CELF1: variants seen among roughly 807,000 people sequenced by gnomAD.
CELF1 encodes the protein CUGBP Elav-like family member 1.
A neutral mutation model predicts 61.8 loss-of-function variants in CELF1; 10 were observed. The ratio of observed to expected loss-of-function variants is 0.16; its 90% confidence interval spans 0.10 to 0.27. The LOEUF is 0.27. Ranked by LOEUF, CELF1 falls within the 10% of genes least tolerant of loss-of-function variation. The probability of loss-of-function intolerance (pLI) is 1.00; values close to 1 mark genes in which losing one functional copy is unlikely to be tolerated. For synonymous variants in CELF1, 236 were observed against 225.1 expected, an observed-to-expected ratio of 1.05 and a Z score of -0.43; for missense variants, 380 against 639.1, an observed-to-expected ratio of 0.59 and a Z score of 4.37.
intron 1 of CELF1, among the ~76,000 whole-genome samples, chr11:47,514,634 T>C (rs1466338430): frequency 6.9e-6 from 1 of 144,996 alleles, no homozygotes; most frequent in Non-Finnish European, 1.5e-5. Context: ...GGCAGGAACA[T>C]CTCTAGCACC....
chr11:47,473,017 T>C, intron 14 of CELF1, 71 bp downstream of exon 14: 1 of 1,528,848 alleles, frequency 6.5e-7, no homozygotes, highest in Non-Finnish European at 8.9e-7. Flanking sequence ...CAGATCTTTC[T>C]GCAGTGAGCT....
At chr11:47,536,865 T>C (rs952124806) in intron 1 of CELF1, among the ~76,000 whole-genome samples, 1 of 152,188 alleles carries the variant, frequency 6.6e-6, no homozygotes, top group Admixed American at 6.5e-5. Context: ...ACATAATGTC[T>C]TTCCATAATT....
At chr11:47,536,639 C>T (rs985388364) in intron 1 of CELF1, among the ~76,000 whole-genome samples, 1 of 152,090 alleles carries the variant, frequency 6.6e-6, no homozygotes, top group African/African-American at 2.4e-5. Context: ...GTGGTGCACA[C>T]CTGTAATCCC....
chr11:47,482,755 G>A lies in CELF1; in HGVS notation c.708C>T (p.Ser236=), dbSNP rs749093088. 27 of 1,613,886 alleles carry A rather than the reference G, an allele frequency of 1.7e-5. No individual in the cohort carries two copies. The highest frequency in any genetic ancestry group is 2.2e-5 in the East Asian group (1 of 44,896). The change falls in exon 9 of 15, where the codon AGC becomes AGT. Residue 236 remains serine (S), a synonymous_variant. Coordinates refer to ENST00000687097, the MANE Select transcript of CELF1 (RefSeq NM_001376376.1). The part of the protein sequence containing the change: ...QQLQQQMQQI[S]AASVWGNLAG... ...CAAGGTTTCCCCACACAGATGCTGC[G>A]CTGATTTGCTGCATCTGCTGCTGGA...
At chr11:47,473,992 C>T (rs983529798) in intron 13 of CELF1, among the ~76,000 whole-genome samples, 8 of 152,010 alleles carry the variant, frequency 5.3e-5, no homozygotes, top group Admixed American at 2.6e-4. Context: ...CTGCAACCTC[C>T]GCCTCCCGGG....
chr11:47,537,492 C>T (rs2096659645), intron 1 of CELF1, among the ~76,000 whole-genome samples: 1 of 151,898 alleles, frequency 6.6e-6, no homozygotes, highest in Non-Finnish European at 1.5e-5. Context: ...CGTGATCCAC[C>T]CGACTCAGTC....
chr11:47,493,365 G>A (rs1030878363), intron 3 of CELF1, among the ~76,000 whole-genome samples: 4 of 148,466 alleles, frequency 2.7e-5, no homozygotes, highest in Non-Finnish European at 5.9e-5. Context: ...AAAATTAGCT[G>A]GGTGTAGTGG....
chr11:47,486,650 C>A, intron 6 of CELF1, 100 bp downstream of exon 6: 1 of 912,206 alleles, frequency 1.1e-6, no homozygotes, highest in Non-Finnish European at 1.8e-6. Flanking sequence ...TCAAGCAATC[C>A]ATCTGTCTTG....
intron 3 of CELF1, among the ~76,000 whole-genome samples, chr11:47,496,822 G>A (rs1292021772): frequency 6.6e-6 from 1 of 152,188 alleles, no homozygotes; most frequent in Non-Finnish European, 1.5e-5. Flanking sequence ...AAAGAGGTAG[G>A]TCAGAGAGAC....
At chr11:47,558,355 GAA>G in intron 2 of CELF1, among the ~76,000 whole-genome samples, 1 of 148,328 alleles carries the variant, frequency 6.7e-6, no homozygotes, top group Non-Finnish European at 1.5e-5. Flanking sequence ...TATATAATCA[GAA>G]AATCTGCATT....
At position 47,476,870 on chromosome 11, in the gene CELF1, C is replaced by T; in HGVS notation, c.1063G>A (p.Gly355Ser). Residue 355 changes from glycine to serine, a missense_variant, in exon 12 of 15, where the codon GGC becomes AGC. Physicochemically the swap from Gly to Ser is moderately conservative, Grantham distance 56 (BLOSUM62 0). Coordinates refer to ENST00000687097, the MANE Select transcript of CELF1 (RefSeq NM_001376376.1). The part of the protein sequence containing the change: ...ALQTLAGATA[G>S]LNVGSLAGMA... Reference sequence around the variant, plus strand: ...CCTGCCAAAGAGCCAACATTGAGGCCAGCCGTTGCTCCAGCTAATGTCTGC... The same window carrying T: ...CCTGCCAAAGAGCCAACATTGAGGCTAGCCGTTGCTCCAGCTAATGTCTGC... The T allele has an allele frequency of 6.2e-7, 1 of 1,614,140 alleles. No individual in the cohort carries two copies. The highest frequency in any genetic ancestry group is 8.5e-7 in the Non-Finnish European group (1 of 1,180,006).
chr11:47,502,598 C>T (rs546160732), intron 1 of CELF1, among the ~76,000 whole-genome samples: 2 of 152,060 alleles, frequency 1.3e-5, no homozygotes, highest in South Asian at 2.1e-4. Context: ...TTTGGGAGGC[C>T]GATGCAGGTG....
At chr11:47,558,668 A>T (rs1355558755) in intron 2 of CELF1, among the ~76,000 whole-genome samples, 18 of 111,016 alleles carry the variant, frequency 1.6e-4, no homozygotes, top group South Asian at 2.4e-4. Context: ...ATATTACATA[A>T]TATAATATGT....
Position 47,467,074 on chromosome 11 carries a change from C to G in CELF1, c.*5156G>C, listed in dbSNP as rs2076794488. 1 of 152,340 alleles carries G rather than the reference C, an allele frequency of 6.6e-6. No homozygotes were observed. The highest frequency in any genetic ancestry group is 1.9e-4 in the East Asian group (1 of 5,188). The allele number at this position is 152,340 out of a possible 1,614,324, so 9.4% of individuals were successfully genotyped here. A position where few individuals can be genotyped will look rare whatever the true frequency, so the allele number is the denominator to read the frequency against. On this transcript the variant is annotated 3_prime_UTR_variant, in exon 15 of 15. Coordinates refer to ENST00000687097, the MANE Select transcript of CELF1 (RefSeq NM_001376376.1). ...TTCATCAACCTTGGTGTGGAGGATGCTCAATAGCGCTTCCACCTCCCCCTC... is the reference window on the plus strand; with the variant it reads ...TTCATCAACCTTGGTGTGGAGGATGGTCAATAGCGCTTCCACCTCCCCCTC...
intron 1 of CELF1, among the ~76,000 whole-genome samples, chr11:47,545,870 CG>C (rs2096926233): frequency 1.2e-4 from 11 of 91,790 alleles, no homozygotes; most frequent in South Asian, 3.1e-4. Context: ...TGTGTGTCTG[CG>C]TGTGTGTGTG....
chr11:47,475,731 G>A (rs2079746273), intron 12 of CELF1, among the ~76,000 whole-genome samples: 3 of 152,224 alleles, frequency 2.0e-5, no homozygotes, highest in South Asian at 2.1e-4. Context: ...AATGCCATAC[G>A]CGGGTGTTGT....
chr11:47,558,587 AT>A (rs1426523402), intron 2 of CELF1, among the ~76,000 whole-genome samples: 2 of 111,062 alleles, frequency 1.8e-5, no homozygotes, highest in African/African-American at 7.7e-5. Context: ...ATATATATAT[AT>A]TTATATTATA....
intron 1 of CELF1, among the ~76,000 whole-genome samples, chr11:47,507,447 G>A (rs1013550796): frequency 6.6e-6 from 1 of 151,856 alleles, no homozygotes; most frequent in African/African-American, 2.4e-5. Context: ...TAGGGTGGCG[G>A]TGAACCACTG....
chr11:47,526,922 G>A (rs535600848), intron 1 of CELF1, among the ~76,000 whole-genome samples: 81 of 152,036 alleles, frequency 5.3e-4, no homozygotes, highest in African/African-American at 9.9e-4. Context: ...GTGGGGGCGC[G>A]TGCCTGTAAT....
Sources: allele counts gnomAD v4.1 joint callset (sites outside exome capture counted in the v4.1 genomes callset), GRCh38; gene constraint gnomAD v4.1.1; transcripts MANE v1.5; gene names NCBI Gene and HGNC (gene_info 2026-07-23, HGNC 2026-07-21).